The following OSBPL6 variants were observed in gnomAD, a reference collection of about 807,000 sequenced individuals.
OSBPL6 encodes the protein oxysterol binding protein like 6.
A neutral mutation model predicts 125.8 loss-of-function variants in OSBPL6; 49 were observed. That is an observed-to-expected ratio of 0.39 (90% CI 0.31 to 0.49). OSBPL6 has a LOEUF of 0.49. OSBPL6 is among the 20% of genes least tolerant of loss of function. The probability of loss-of-function intolerance (pLI) is 0.88; values close to 1 mark genes in which losing one functional copy is unlikely to be tolerated. For missense variants in OSBPL6, 986 were observed against 1,135.4 expected (o/e 0.87, Z 1.89); for synonymous variants, 394 against 391.8 (o/e 1.01, Z -0.07).
intron 1 of OSBPL6, among the ~76,000 whole-genome samples, chr2:178,281,987 T>G (rs1684236656): frequency 6.6e-6 from 1 of 152,102 alleles, no homozygotes; most frequent in Non-Finnish European, 1.5e-5. Flanking sequence ...AGAATTAAGG[T>G]CCGGTCCCTG....
intron 2 of OSBPL6, among the ~76,000 whole-genome samples, chr2:178,295,376 A>G (rs545646374): frequency 5.3e-5 from 8 of 152,338 alleles, no homozygotes; most frequent in African/African-American, 1.9e-4. Context: ...CAAGCCAAAT[A>G]TGCAGCCTGT....
At chr2:178,300,150 A>C (rs1686148122) in intron 2 of OSBPL6, among the ~76,000 whole-genome samples, 1 of 152,202 alleles carries the variant, frequency 6.6e-6, no homozygotes, top group Non-Finnish European at 1.5e-5. Flanking sequence ...ATTATGACAA[A>C]CCTTATCTTC....
intron 3 of OSBPL6, among the ~76,000 whole-genome samples, chr2:178,320,636 AC>A (rs1688155982): frequency 6.6e-6 from 1 of 152,260 alleles, no homozygotes; most frequent in African/African-American, 2.4e-5. Context: ...GAAGAAAAGT[AC>A]AAAAATTATA....
intron 1 of OSBPL6, among the ~76,000 whole-genome samples, chr2:178,206,880 G>A (rs957232861): frequency 6.6e-6 from 1 of 152,114 alleles, no homozygotes; most frequent in Non-Finnish European, 1.5e-5. Flanking sequence ...CTCCCAAAGT[G>A]CTGGGATTAC....
At chr2:178,349,134 A>G (rs1168533245) in intron 11 of OSBPL6, 90 bp from the exon 12 acceptor site, 2 of 1,334,818 alleles carry the variant, frequency 1.5e-6, no homozygotes, top group Non-Finnish European at 2.1e-6. Flanking sequence ...GGAATCTATT[A>G]TTTTGAAGAA....
intron 11 of OSBPL6, among the ~76,000 whole-genome samples, chr2:178,340,085 T>C (rs961116874): frequency 1.1e-4 from 17 of 152,120 alleles, no homozygotes; most frequent in African/African-American, 4.1e-4. Flanking sequence ...AAAAATCTAG[T>C]GGGTTATAAT....
chr2:178,318,433 C>T (rs1269823586), intron 3 of OSBPL6, among the ~76,000 whole-genome samples: 2 of 152,204 alleles, frequency 1.3e-5, no homozygotes, highest in Non-Finnish European at 2.9e-5. Context: ...ACTGTTAATG[C>T]ACTTCTGCAT....
Position 178,389,040 on chromosome 2 carries a change from A to T in OSBPL6, c.2188A>T (p.Thr730Ser), listed in dbSNP as rs767771728. The T allele has an allele frequency of 6.2e-7, 1 of 1,613,882 alleles. No individual in the cohort carries two copies. The change falls in exon 21 of 25, where the codon ACC becomes TCC. Residue 730 changes from threonine to serine, a missense_variant. Around this residue, in one of 3 missense-constraint regions of OSBPL6, gnomAD observed 843 missense variants for 997.3 expected, o/e 0.85. Transcript: ENST00000190611. ...YGDYYVWNKV[T>S]TCIHNILSGR... Reference sequence around the variant, plus strand: ...AGATTACTATGTGTGGAATAAAGTCACCACTTGCATACACAACATCCTCAG... The same window carrying T: ...AGATTACTATGTGTGGAATAAAGTCTCCACTTGCATACACAACATCCTCAG...
At position 178,251,966 on chromosome 2, in the gene OSBPL6, C is replaced by T. The variant is rs2091710692; in HGVS notation, c.-350-32961C>T. ...TTTATTCTTTGGATTCTTAAGGACA[C>T]CTGAGGCTGAAGAGTGATGTTCTTT... On this transcript the variant is annotated intron_variant, in intron 1 of 24. Coordinates refer to ENST00000190611, the MANE Select transcript of OSBPL6 (RefSeq NM_032523.4). Among the ~76,000 whole-genome samples, 4 of 152,230 alleles carry T rather than the reference C, an allele frequency of 2.6e-5. No homozygotes were observed. The Middle Eastern group carries it at 0.01, about 388-fold the overall frequency.
chr2:178,388,695 C>T lies in OSBPL6; in HGVS notation c.2157-314C>T, dbSNP rs577633345. On this transcript the variant is annotated intron_variant, in intron 20 of 24. Coordinates refer to ENST00000190611, the MANE Select transcript of OSBPL6 (RefSeq NM_032523.4). Reference sequence around the variant, plus strand: ...ACTAAAAACTCTTCCTTCTGTGTTCCGATGATATGCATATTTTAAGTATTT... The same window carrying T: ...ACTAAAAACTCTTCCTTCTGTGTTCTGATGATATGCATATTTTAAGTATTT... Among the ~76,000 whole-genome samples, 12 of 152,256 alleles carry T rather than the reference C, an allele frequency of 7.9e-5. No individual in the cohort carries two copies. The South Asian group carries it at 8.3e-4, about 11-fold the overall frequency.
At chr2:178,373,853 G>C in intron 14 of OSBPL6, 37 bp from the exon 15 acceptor site, 1 of 1,609,722 alleles carries the variant, frequency 6.2e-7, no homozygotes, top group Non-Finnish European at 8.5e-7. Context: ...CTAACAGGGA[G>C]AAAAGCAATT....
Position 178,384,116 on chromosome 2 carries a change from C to T in OSBPL6, c.1953C>T (p.Val651=), listed in dbSNP as rs1364501841. Residue 651 remains valine, a synonymous_variant, in exon 18 of 25, where the codon GTC becomes GTT. Transcript: ENST00000190611. ...CAGGAAGTAAGCCATTCAACCCAGT[C>T]CTTGGGGAGACTTATGAATGCATTA... ...FRAGSKPFNP[V]LGETYECIRE... is the part of the protein sequence containing the mutation. 1 of 1,614,114 alleles carries T rather than the reference C, an allele frequency of 6.2e-7. No individual in the cohort carries two copies. The highest frequency in any genetic ancestry group is 1.7e-5 in the Admixed American group (1 of 60,016).
At chr2:178,366,144 G>A (rs796371264) in intron 13 of OSBPL6, among the ~76,000 whole-genome samples, 9 of 152,216 alleles carry the variant, frequency 5.9e-5, no homozygotes, top group African/African-American at 1.9e-4. Flanking sequence ...CTCCCACCTC[G>A]GACTCCCGAA....
chr2:178,266,777 C>T (rs116094935), intron 1 of OSBPL6, among the ~76,000 whole-genome samples: 25 of 152,256 alleles, frequency 1.6e-4, no homozygotes, highest in Non-Finnish European at 3.2e-4. Flanking sequence ...TCAACTTGCC[C>T]CCATTTGTAA....
chr2:178,350,778 T>G (rs796799466), intron 12 of OSBPL6, among the ~76,000 whole-genome samples: 1 of 152,092 alleles, frequency 6.6e-6, no homozygotes, highest in Non-Finnish European at 1.5e-5. Context: ...GGGAAGGAGG[T>G]GCAAAAGGTA....
At chr2:178,221,954 T>G (rs1224035284) in intron 1 of OSBPL6, among the ~76,000 whole-genome samples, 1 of 152,198 alleles carries the variant, frequency 6.6e-6, no homozygotes, top group Non-Finnish European at 1.5e-5. Context: ...TTTGAAAGTG[T>G]GCACACTTTC....
At chr2:178,292,935 T>A (rs991614805) in intron 2 of OSBPL6, among the ~76,000 whole-genome samples, 1 of 152,144 alleles carries the variant, frequency 6.6e-6, no homozygotes, top group African/African-American at 2.4e-5. Flanking sequence ...AATACCAAAT[T>A]TGAAAGTACT....
chr2:178,336,153 A>G, intron 8 of OSBPL6, 148 bp from the exon 9 acceptor site: 1 of 1,021,006 alleles, frequency 9.8e-7, no homozygotes, highest in Non-Finnish European at 1.4e-6. Flanking sequence ...ACTGGGCACA[A>G]ACCACATTTA....
At chr2:178,379,834 A>T (rs1029800509) in intron 15 of OSBPL6, among the ~76,000 whole-genome samples, 2 of 152,216 alleles carry the variant, frequency 1.3e-5, no homozygotes, top group African/African-American at 4.8e-5. Context: ...TCAATTTGTC[A>T]TCTTTATGGG....
Sources: allele counts gnomAD v4.1 joint callset (sites outside exome capture counted in the v4.1 genomes callset), GRCh38; gene constraint gnomAD v4.1.1; regional missense constraint gnomAD v4.1.1; transcripts MANE v1.5; gene names NCBI Gene and HGNC (gene_info 2026-07-23, HGNC 2026-07-21).